GSE1: variants seen among roughly 807,000 people sequenced by gnomAD.
The protein encoded by GSE1 is Gse1 coiled-coil protein, also known as genetic suppressor element 1.
A neutral mutation model predicts 112.6 loss-of-function variants in GSE1; 32 were observed. The ratio of observed to expected loss-of-function variants is 0.28; its 90% CI spans 0.21 to 0.38. The LOEUF is 0.38. Ranked by LOEUF, GSE1 falls within the 10% of genes least tolerant of loss-of-function variation. The pLI, the probability that GSE1 is intolerant of heterozygous loss-of-function variation, is 1.00. For synonymous variants in GSE1, 1,115 were observed against 735.6 expected (o/e 1.52, Z -8.35); for missense variants, 2,348 against 1,699.2 (o/e 1.38, Z -6.71).
At chr16:85,622,833 G>A (rs1307424618) in intron 1 of GSE1, among the ~76,000 whole-genome samples, 1 of 152,202 alleles carries the variant, frequency 6.6e-6, no homozygotes, top group African/African-American at 2.4e-5. Flanking sequence ...GAGTTACCGT[G>A]TCGATGACAT....
intron 2 of GSE1, among the ~76,000 whole-genome samples, chr16:85,534,203 C>T (rs186275198): frequency 3.5e-3 from 523 of 151,314 alleles, no homozygotes; most frequent in South Asian, 5.4e-3. Flanking sequence ...CTCACTGCAA[C>T]CTCCACCTCC....
upstream of GSE1, among the ~76,000 whole-genome samples, chr16:85,610,258 G>A (rs1235577645): frequency 2.6e-5 from 4 of 152,214 alleles, no homozygotes; most frequent in Non-Finnish European, 5.9e-5. Flanking sequence ...AGGTGCCTCC[G>A]TAGGCCTGGC....
chr16:85,650,100 T>G (rs1279023268), intron 3 of GSE1, among the ~76,000 whole-genome samples: 1 of 152,132 alleles, frequency 6.6e-6, no homozygotes, highest in Non-Finnish European at 1.5e-5. Context: ...AAGCCTCTCG[T>G]AGTTTGACTA....
intron 2 of GSE1, among the ~76,000 whole-genome samples, chr16:85,640,893 CCTGGCCCGGGGGCCAGAGGGCTG>C (rs1404757202): frequency 1.0e-3 from 152 of 152,350 alleles, no homozygotes; most frequent in African/African-American, 3.4e-3. Context: ...TCTCCGTTCT[CCTGGCCCGGGGGCCAGAGGGCTG>C]GTGGTCAGGG....
chr16:85,647,354 TC>T (rs1234583866), intron 2 of GSE1, among the ~76,000 whole-genome samples: 1 of 152,186 alleles, frequency 6.6e-6, no homozygotes, highest in East Asian at 1.9e-4. Context: ...ACGGGCGAGT[TC>T]CGGGGTAGGT....
intron 1 of GSE1, among the ~76,000 whole-genome samples, chr16:85,568,402 T>G (rs1382121631): frequency 1.3e-5 from 2 of 152,184 alleles, no homozygotes; most frequent in Non-Finnish European, 2.9e-5. Context: ...AATAAGGGTG[T>G]TGTTTCTTGT....
chr16:85,434,373 C>T (rs1374724277), intron 2 of GSE1, among the ~76,000 whole-genome samples: 4 of 151,802 alleles, frequency 2.6e-5, no homozygotes, highest in East Asian at 3.8e-4. Flanking sequence ...CCTGTATACC[C>T]GGTGTCAGCG....
At chr16:85,647,761 A>C (rs760182334) in intron 2 of GSE1, among the ~76,000 whole-genome samples, 2 of 152,006 alleles carry the variant, frequency 1.3e-5, no homozygotes, top group Non-Finnish European at 2.9e-5. Context: ...TAATATTTGT[A>C]TTTTTAGTAG....
intron 1 of GSE1, among the ~76,000 whole-genome samples, chr16:85,295,977 C>T (rs2151450090): frequency 6.6e-6 from 1 of 152,292 alleles, no homozygotes; most frequent in East Asian, 1.9e-4. Flanking sequence ...CACTGCTGCA[C>T]TGCAATCCAG....
chr16:85,248,458 T>C (rs1193479381), intron 1 of GSE1, among the ~76,000 whole-genome samples: 13 of 151,960 alleles, frequency 8.6e-5, no homozygotes, highest in Non-Finnish European at 1.5e-5. Context: ...TCTCTCACGC[T>C]CCCTCCTTTT....
chr16:85,429,347 G>T (rs2049065386), intron 2 of GSE1, among the ~76,000 whole-genome samples: 1 of 152,372 alleles, frequency 6.6e-6, no homozygotes, highest in African/African-American at 2.4e-5. Context: ...AGGGTCTTCT[G>T]TCTGGGGGCA....
intron 1 of GSE1, among the ~76,000 whole-genome samples, chr16:85,600,734 C>T (rs2047427581): frequency 6.6e-6 from 1 of 152,114 alleles, no homozygotes; most frequent in Non-Finnish European, 1.5e-5. Context: ...ATAAACCCAT[C>T]CTTGTCAACT....
chr16:85,414,351 A>G (rs1342285097), intron 2 of GSE1, among the ~76,000 whole-genome samples: 5 of 152,238 alleles, frequency 3.3e-5, no homozygotes, highest in Admixed American at 2.0e-4. Flanking sequence ...AACAACCCAC[A>G]ATATGGATTT....
chr16:85,590,682 T>C (rs964618483), intron 1 of GSE1, among the ~76,000 whole-genome samples: 1 of 152,128 alleles, frequency 6.6e-6, no homozygotes, highest in Non-Finnish European at 1.5e-5. Flanking sequence ...GTGAATGTGT[T>C]TGAGACAGCG....
At position 85,613,422 on chromosome 16, in the gene GSE1, G is replaced by A. The variant is rs779664315; in HGVS notation, c.7+24G>A. On this transcript the variant is annotated intron_variant, in intron 1 of 15. Transcript: ENST00000253458. ...AGGTGAGCGCGCCGCACCCGGCCGG[G>A]GACGGGGTCCTCCCCCCTCCCCCCA... is the stretch of plus-strand genomic sequence containing the variant. 10 of 1,546,980 alleles carry A rather than the reference G, an allele frequency of 6.5e-6. No individual in the cohort carries two copies. In the South Asian group the frequency reaches 9.5e-5, roughly 15 times the overall value.
At chr16:85,258,488 A>T (rs1907315681) in intron 1 of GSE1, among the ~76,000 whole-genome samples, 1 of 151,504 alleles carries the variant, frequency 6.6e-6, no homozygotes, top group South Asian at 2.1e-4. Context: ...AACCCAGCAA[A>T]GCTCAGCCCT....
intron 1 of GSE1, among the ~76,000 whole-genome samples, chr16:85,313,874 C>G (rs2045920123): frequency 6.6e-6 from 1 of 152,012 alleles, no homozygotes; most frequent in Non-Finnish European, 1.5e-5. Context: ...ACATGAACAG[C>G]AAATGCATCC....
intron 2 of GSE1, among the ~76,000 whole-genome samples, chr16:85,455,666 C>T (rs1280712789): frequency 6.6e-6 from 1 of 152,214 alleles, no homozygotes; most frequent in Non-Finnish European, 1.5e-5. Flanking sequence ...ACTCAGGGAG[C>T]CTGGCGCGCT....
At chr16:85,670,816 A>C in intron 14 of GSE1, 179 bp from the exon 15 acceptor site, 3 of 483,928 alleles carry the variant, frequency 6.2e-6, no homozygotes, top group Non-Finnish European at 1.1e-5. Context: ...AGTGACGTTT[A>C]TGTATTTATC....
Sources: allele counts gnomAD v4.1 joint callset (sites outside exome capture counted in the v4.1 genomes callset), GRCh38; gene constraint gnomAD v4.1.1; transcripts MANE v1.5; gene names NCBI Gene and HGNC (gene_info 2026-07-23, HGNC 2026-07-21).